RTN4: variants seen among roughly 807,000 people sequenced by gnomAD.
RTN4 encodes the protein reticulon-4.
Under a neutral mutation model 90.4 loss-of-function variants are expected in RTN4, and 32 were observed. The ratio of observed to expected loss-of-function variants is 0.35; its 90% CI spans 0.27 to 0.48. The LOEUF (loss-of-function observed/expected upper bound fraction) is 0.48, where lower values mean the gene tolerates loss of function less well. Ranked by LOEUF, RTN4 falls within the 20% of genes least tolerant of loss-of-function variation. The probability of loss-of-function intolerance (pLI) is 0.99; values close to 1 mark genes in which losing one functional copy is unlikely to be tolerated. For missense variants in RTN4, 1,706 were observed against 1,430.2 expected, an observed-to-expected ratio of 1.19 and a Z score of -3.11; for synonymous variants, 629 against 552.5, an observed-to-expected ratio of 1.14 and a Z score of -1.94.
At chr2:55,110,111 C>G in intron 1 of RTN4, among the ~76,000 whole-genome samples, 1 of 151,988 alleles carries the variant, frequency 6.6e-6, no homozygotes, top group Non-Finnish European at 1.5e-5. Context: ...GAGTTCGAGA[C>G]CAGCCTGGGC....
At position 54,993,698 on chromosome 2, in the gene RTN4, T is replaced by C. The variant is rs187323050; in HGVS notation, c.3014-6000A>G. Among the ~76,000 whole-genome samples the C allele has an allele frequency of 3.2e-3, 485 of 152,268 alleles. 5 individuals are homozygous for C. The highest frequency in any genetic ancestry group is 4.8e-3 in the Non-Finnish European group (327 of 68,018). On this transcript the variant is annotated intron_variant, in intron 3 of 8. Coordinates refer to ENST00000337526, the MANE Select transcript of RTN4 (RefSeq NM_020532.5). ...AAAGCAGGTATCATGACAGACATAC[T>C]GAAACAAGTACTAGGAATGCTCTGG...
intron 4 of RTN4, among the ~76,000 whole-genome samples, chr2:54,986,838 T>C (rs931557536): frequency 3.9e-5 from 6 of 152,140 alleles, no homozygotes; most frequent in African/African-American, 1.4e-4. Context: ...AGTTTTATGG[T>C]ATATGAATTA....
chr2:55,075,465 C>T (rs192255046), intron 2 of RTN4, among the ~76,000 whole-genome samples: 4 of 152,136 alleles, frequency 2.6e-5, no homozygotes, highest in Non-Finnish European at 5.9e-5. Context: ...GGAAACACAT[C>T]CCATGCTTAT....
chr2:55,064,502 C>A (rs921193803), intron 2 of RTN4, among the ~76,000 whole-genome samples: 1 of 151,972 alleles, frequency 6.6e-6, no homozygotes, highest in Non-Finnish European at 1.5e-5. Context: ...AGGTGCCTGC[C>A]ACGACACCCA....
At position 55,086,478 on chromosome 2, in the gene RTN4, T is replaced by G. The variant is rs148670955; in HGVS notation, c.-213-5839A>C. ...GAATTCAAGACCACCCTGGGCAACA[T>G]AGCCTGATCTAATCTCTACAAAAAA... On this transcript the variant is annotated intron_variant, in intron 1 of 3. Coordinates refer to the RTN4 transcript ENST00000427710. Among the ~76,000 whole-genome samples the G allele has an allele frequency of 4.1e-3, 562 of 136,172 alleles. 1 individual carries two copies. The highest frequency in any genetic ancestry group is 5.0e-3 in the Non-Finnish European group (320 of 63,894). 89.3% of individuals were successfully genotyped at this position (136,172 alleles called of 152,430 possible).
intron 4 of RTN4, among the ~76,000 whole-genome samples, chr2:54,985,822 A>T (rs1678516673): frequency 6.6e-6 from 1 of 152,230 alleles, no homozygotes; most frequent in Non-Finnish European, 1.5e-5. Context: ...TCATATGCCC[A>T]AACAGATATT....
intron 2 of RTN4, among the ~76,000 whole-genome samples, chr2:55,071,639 T>C (rs907954005): frequency 6.6e-6 from 1 of 151,364 alleles, no homozygotes; most frequent in Admixed American, 6.6e-5. Context: ...AGGCGATCAC[T>C]GACTTCAGAC....
At chr2:54,994,102 T>C (rs1003038810) in intron 3 of RTN4, among the ~76,000 whole-genome samples, 1 of 152,244 alleles carries the variant, frequency 6.6e-6, no homozygotes, top group Non-Finnish European at 1.5e-5. Context: ...TGATTCTCAA[T>C]AGGAGGAATG....
intron 6 of RTN4, chr2:54,974,334 C>T (rs1677422510): frequency 7.9e-6 from 2 of 252,864 alleles, no homozygotes; most frequent in Non-Finnish European, 1.5e-5. Flanking sequence ...ACCTGGAGTG[C>T]AATGGCACGA....
At chr2:55,021,543 G>A (rs146691316) in intron 3 of RTN4, among the ~76,000 whole-genome samples, 2 of 148,804 alleles carry the variant, frequency 1.3e-5, no homozygotes, top group African/African-American at 2.5e-5. Flanking sequence ...GGCAGGTCTC[G>A]AACTCCTGGG....
At chr2:55,055,214 G>A (rs1032544306), upstream of RTN4, among the ~76,000 whole-genome samples, 4 of 151,452 alleles carry the variant, frequency 2.6e-5, no homozygotes, top group South Asian at 2.1e-4. Context: ...TTTCAGATAC[G>A]AGAAAGTTAA....
chr2:55,054,104 A>G (rs1279310062), upstream of RTN4, among the ~76,000 whole-genome samples: 3 of 152,240 alleles, frequency 2.0e-5, no homozygotes, highest in East Asian at 1.9e-4. Context: ...AATTTATACA[A>G]ATAAAAAATT....
Position 55,050,367 on chromosome 2 carries a change from G to A in RTN4, c.-67C>T, listed in dbSNP as rs927162051. 2.0e-5 allele frequency: 22 copies of A among 1,104,146 alleles called. No individual in the cohort carries two copies. The highest frequency in any genetic ancestry group is 2.7e-5 in the Non-Finnish European group (22 of 828,280). The allele number at this position is 1,104,146 out of a possible 1,614,324, so 68.4% of individuals were successfully genotyped here. ...GCCGGGGCCGCGTCTCAGAGCCGCG[G>A]GCGGTTGTGGGGGTTGGGGAGGACT... On this transcript the variant is annotated 5_prime_UTR_variant, in exon 1 of 9. Transcript: ENST00000337526. This position sits in a 1 kb window ranked among gnomAD's most constrained non-coding sequence, Gnocchi z 4.6.
Position 55,026,120 on chromosome 2 carries a change from T to A in RTN4, c.1979A>T (p.Glu660Val). 1 of 1,613,574 alleles carries A rather than the reference T, an allele frequency of 6.2e-7. No homozygotes were observed. The highest frequency in any genetic ancestry group is 8.5e-7 in the Non-Finnish European group (1 of 1,179,818). ...KHEPENPPPY[E>V]EAMSVSLKKV... Reference sequence around the variant, plus strand: ...TTTTAGTGATACACTCATGGCCTCTTCATATGGTGGGGGGTTTTCAGGCTC... The same window carrying A: ...TTTTAGTGATACACTCATGGCCTCTACATATGGTGGGGGGTTTTCAGGCTC... Residue 660 changes from glutamate to valine, a missense_variant, in exon 3 of 9, where the codon GAA becomes GTA. Transcript: ENST00000337526.
chr2:55,019,894 G>A (rs936273364), intron 3 of RTN4, among the ~76,000 whole-genome samples: 10 of 152,050 alleles, frequency 6.6e-5, no homozygotes, highest in Admixed American at 2.0e-4. Flanking sequence ...AATATCGCAT[G>A]TCTTTACACA....
upstream of RTN4, among the ~76,000 whole-genome samples, chr2:55,117,420 T>G (rs892582140): frequency 6.6e-6 from 1 of 152,168 alleles, no homozygotes; most frequent in Non-Finnish European, 1.5e-5. Flanking sequence ...AAGACACAGC[T>G]AGAGCCCTGG....
In RTN4 at chr2:55,072,330, C is replaced by T. The variant is rs558527913; in HGVS notation, c.-63+8159G>A. ...CTGCAAGCTCCACCTCCCGTGTTCA[C>T]GCCATTCTCCTGCCTCAGCCTCCCG... On this transcript the variant is annotated intron_variant, in intron 2 of 3. Transcript: ENST00000427710. 3.7e-3 allele frequency among the ~76,000 whole-genome samples: 557 copies of T among 152,110 alleles called. 1 individual carries two copies. In the Middle Eastern group the frequency reaches 0.041, roughly 11 times the overall value.
At chr2:54,974,547 C>T in intron 6 of RTN4, 148 bp downstream of exon 6, 1 of 655,200 alleles carries the variant, frequency 1.5e-6, no homozygotes. Context: ...TCCCAAAGTG[C>T]TGGGATTACA....
At chr2:55,132,832 G>C in the RTN4 span, among the ~76,000 whole-genome samples, 1 of 129,452 alleles carries the variant, frequency 7.7e-6, no homozygotes, top group Non-Finnish European at 1.7e-5. Context: ...AAAAAAAATT[G>C]AAAATTAAAA....
Sources: gnomAD v4.1 joint callset for allele counts (sites outside exome capture counted in the v4.1 genomes callset) on GRCh38, gnomAD v4.1.1 for gene constraint, Gnocchi (gnomAD v3.1) non-coding constraint, MANE v1.5 for transcripts, NCBI Gene and HGNC (gene_info 2026-07-23, HGNC 2026-07-21) for gene names.